Variants in HTRA1 observed in about 807,000 individuals in gnomAD.
The protein encoded by HTRA1 is serine protease HTRA1.
Under a neutral mutation model 49.7 loss-of-function variants are expected in HTRA1, and 26 were observed. The ratio of observed to expected loss-of-function variants is 0.52; its 90% CI spans 0.38 to 0.73. The LOEUF is 0.73. HTRA1 is among the 30% of genes least tolerant of loss of function. The pLI is 0.00. For missense variants in HTRA1, 561 were observed against 667.2 expected, an observed-to-expected ratio of 0.84 and a Z score of 1.75; for synonymous variants, 291 against 286.9, an observed-to-expected ratio of 1.01 and a Z score of -0.14.
At chr10:122,486,444 C>A (rs2097493133) in intron 1 of HTRA1, among the ~76,000 whole-genome samples, 4 of 152,164 alleles carry the variant, frequency 2.6e-5, no homozygotes, top group Admixed American at 2.6e-4. Context: ...TGATTCCAAT[C>A]TTTAAATAAA....
chr10:122,466,669 TG>T (rs1286101517), intron 1 of HTRA1, among the ~76,000 whole-genome samples: 3 of 152,170 alleles, frequency 2.0e-5, no homozygotes, highest in African/African-American at 7.2e-5. Context: ...ATTGTTAAAG[TG>T]GGCAGTTTGC....
intron 1 of HTRA1, among the ~76,000 whole-genome samples, chr10:122,483,303 C>A (rs946638066): frequency 6.6e-6 from 1 of 151,890 alleles, no homozygotes; most frequent in Non-Finnish European, 1.5e-5. Flanking sequence ...CATTTATTGT[C>A]TTGGGATTGA....
At position 122,464,572 on chromosome 10, in the gene HTRA1, G is replaced by A. The variant is rs537680185; in HGVS notation, c.472+2448G>A. 5.3e-5 allele frequency among the ~76,000 whole-genome samples: 8 copies of A among 152,356 alleles called. No homozygotes were observed. In the South Asian group the frequency reaches 6.2e-4, roughly 12 times the overall value. On this transcript the variant is annotated intron_variant, in intron 1 of 8. Transcript: ENST00000368984. The surrounding 1 kb of genome is among the most constrained non-coding windows in gnomAD (Gnocchi z 4.8). ...AATAAATGAATGAATGAAGACAAACGGGAGGTGCTTGCGATACACAGCCAT... is the reference window on the plus strand; with the variant it reads ...AATAAATGAATGAATGAAGACAAACAGGAGGTGCTTGCGATACACAGCCAT...
intron 3 of HTRA1, among the ~76,000 whole-genome samples, chr10:122,505,310 T>G (rs959943725): frequency 1.3e-5 from 2 of 152,148 alleles, no homozygotes; most frequent in Non-Finnish European, 2.9e-5. Flanking sequence ...CTCCTCAGTC[T>G]CGTATAGTCA....
At chr10:122,472,851 G>A (rs1256393999) in intron 1 of HTRA1, among the ~76,000 whole-genome samples, 1 of 152,170 alleles carries the variant, frequency 6.6e-6, no homozygotes, top group Non-Finnish European at 1.5e-5. Flanking sequence ...TCTTAGGAGA[G>A]GTACTAAGGA....
At chr10:122,474,241 GA>G (rs1325432633) in intron 1 of HTRA1, among the ~76,000 whole-genome samples, 1 of 152,208 alleles carries the variant, frequency 6.6e-6, no homozygotes, top group Admixed American at 6.5e-5. Flanking sequence ...TCTTACCACT[GA>G]GGTAACTGAG....
At chr10:122,482,991 C>G (rs2097491691) in intron 1 of HTRA1, among the ~76,000 whole-genome samples, 1 of 150,862 alleles carries the variant, frequency 6.6e-6, no homozygotes, top group Admixed American at 6.6e-5. Flanking sequence ...CAGATAAAAG[C>G]CTATCCTTTA....
rs2097504871 is a variant in HTRA1, at chr10:122,509,995, G to A, written c.1121-101G>A. On this transcript the variant is annotated intron_variant, in intron 6 of 8. Coordinates refer to ENST00000368984, the MANE Select transcript of HTRA1 (RefSeq NM_002775.5). The stretch of plus-strand genomic sequence containing the variant: ...CGCAACCTCAGTGTACCCTTCTGTG[G>A]CCCTTCCTGCAACCTGGGGGATTGG... 6 of 950,258 alleles carry A rather than the reference G, an allele frequency of 6.3e-6. No individual in the cohort carries two copies. In the South Asian group the frequency reaches 7.9e-5, roughly 13 times the overall value. The allele number at this position is 950,258 out of a possible 1,614,324, so 58.9% of individuals were successfully genotyped here.
At position 122,506,160 on chromosome 10, in the gene HTRA1, G is replaced by A. The variant is rs1305121108; in HGVS notation, c.778-531G>A. Among the ~76,000 whole-genome samples the A allele has an allele frequency of 6.6e-6, 1 of 151,232 alleles. No homozygotes were observed. Among genetic ancestry groups the A allele is most frequent in the Non-Finnish European group, 1.5e-5 (1 of 67,816 alleles). ...GTGGCCCTGTACTCAGCATAGGCGT[G>A]CACCTGAGTCAGTACAGTTCCCTGC... On this transcript the variant is annotated intron_variant, in intron 3 of 8. Transcript: ENST00000368984. This position sits in a 1 kb window ranked among gnomAD's most constrained non-coding sequence, Gnocchi z 5.2.
intron 1 of HTRA1, among the ~76,000 whole-genome samples, chr10:122,479,517 T>C (rs2097490070): frequency 2.6e-5 from 4 of 152,218 alleles, no homozygotes; most frequent in Admixed American, 2.0e-4. Flanking sequence ...ATATAGTAGA[T>C]GCTCTACAAT....
rs890687420 is a variant in HTRA1 at position 122,497,040 on chromosome 10, C to A, written c.777+7414C>A. Among the ~76,000 whole-genome samples, 3 of 152,260 alleles carry A rather than the reference C, an allele frequency of 2.0e-5. No individual in the cohort carries two copies. The East Asian group carries it at 5.8e-4, about 29-fold the overall frequency. ...AATCATAGCAGCATTGATGCAGTTCCGTAGCTGGTTTCCTAAAGCCATCCA... is the reference window on the plus strand; with the variant it reads ...AATCATAGCAGCATTGATGCAGTTCAGTAGCTGGTTTCCTAAAGCCATCCA... On this transcript the variant is annotated intron_variant, in intron 3 of 8. Coordinates refer to ENST00000368984, the MANE Select transcript of HTRA1 (RefSeq NM_002775.5).
Position 122,506,973 on chromosome 10 carries a change from G to A in HTRA1, c.972+88G>A. 8.3e-7 allele frequency: 1 copy of A among 1,205,514 alleles called. No individual in the cohort carries two copies. The allele number at this position is 1,205,514 out of a possible 1,614,324, so 74.7% of individuals were successfully genotyped here. A position where few individuals can be genotyped will look rare whatever the true frequency, so the allele number is the denominator to read the frequency against. On this transcript the variant is annotated intron_variant, in intron 4 of 8. Transcript: ENST00000368984. The surrounding 1 kb of genome is among the most constrained non-coding windows in gnomAD (Gnocchi z 5.2). ...AGCATAGGTCTTAGCCCCTGACTTT[G>A]TTGTAGTCTGCGTGAAGGGATGGAA...
chr10:122,489,556 C>G lies in HTRA1; in HGVS notation c.707C>G (p.Ala236Gly). 1 of 1,614,142 alleles carries G rather than the reference C, an allele frequency of 6.2e-7. No homozygotes were observed. Among genetic ancestry groups the G allele is most frequent in the Admixed American group, 1.7e-5 (1 of 60,024 alleles). Residue 236 changes from alanine to glycine, a missense_variant, in exon 3 of 9, where the codon GCC becomes GGC. Physicochemically the swap from Ala to Gly is moderately conservative, Grantham distance 60 (BLOSUM62 0). Around this residue, in one of 3 missense-constraint regions of HTRA1, gnomAD observed 271 missense variants for 410.0 expected, o/e 0.66. Coordinates refer to ENST00000368984, the MANE Select transcript of HTRA1 (RefSeq NM_002775.5). ...HRVKVELKNG[A>G]TYEAKIKDVD... Reference sequence around the variant, plus strand: ...GTCAAAGTTGAGCTGAAGAACGGTGCCACTTACGAAGCCAAAATCAAGGAT... The same window carrying G: ...GTCAAAGTTGAGCTGAAGAACGGTGGCACTTACGAAGCCAAAATCAAGGAT...
At chr10:122,489,987 C>T (rs1292871311) in intron 3 of HTRA1, among the ~76,000 whole-genome samples, 1 of 152,204 alleles carries the variant, frequency 6.6e-6, no homozygotes, top group African/African-American at 2.4e-5. Context: ...TCCACAGATA[C>T]ATCATGCGTT....
rs912547326 is a variant in HTRA1, at chr10:122,492,869, G to A, written c.777+3243G>A. On this transcript the variant is annotated intron_variant, in intron 3 of 8. Coordinates refer to ENST00000368984, the MANE Select transcript of HTRA1 (RefSeq NM_002775.5). The stretch of plus-strand genomic sequence containing the variant: ...CAGAGGCTCCCCTTGGAATCGCAAA[G>A]TGAAGCTGGATGCCACCCACAGAGA... Among the ~76,000 whole-genome samples the A allele has an allele frequency of 2.6e-5, 4 of 152,130 alleles. 1 individual carries two copies. In the South Asian group the frequency reaches 8.3e-4, roughly 32 times the overall value.
chr10:122,496,260 G>T (rs1385627691), intron 3 of HTRA1, among the ~76,000 whole-genome samples: 3 of 11,186 alleles, frequency 2.7e-4, no homozygotes, highest in African/African-American at 8.4e-4. Context: ...TTTTTTTTTT[G>T]CAGAGATGAA....
intron 1 of HTRA1, among the ~76,000 whole-genome samples, chr10:122,485,314 C>T (rs1352148141): frequency 6.6e-6 from 1 of 152,214 alleles, no homozygotes; most frequent in East Asian, 1.9e-4. Flanking sequence ...CTGAGATGCA[C>T]CACGAAGGCT....
intron 3 of HTRA1, among the ~76,000 whole-genome samples, chr10:122,493,059 C>T (rs958217320): frequency 6.6e-6 from 1 of 152,216 alleles, no homozygotes; most frequent in Non-Finnish European, 1.5e-5. Flanking sequence ...GGGCTTGTGA[C>T]CAAATGACTC....
At position 122,488,786 on chromosome 10, in the gene HTRA1, C is replaced by T; in HGVS notation, c.473-116C>T. 3.4e-6 allele frequency: 3 copies of T among 877,662 alleles called. No individual in the cohort carries two copies. In the South Asian group the frequency reaches 3.9e-5, roughly 12 times the overall value. 54.4% of individuals were successfully genotyped at this position (877,662 alleles called of 1,614,324 possible). On this transcript the variant is annotated intron_variant, in intron 1 of 8. Transcript: ENST00000368984. ...CCCAGGTGGGGGAATTGCGCTCACT[C>T]CGCCTTCAGAATTCCAAAGGCTGGG...
Sources: gnomAD v4.1 joint callset for allele counts (sites outside exome capture counted in the v4.1 genomes callset) on GRCh38, gnomAD v4.1.1 for gene constraint, gnomAD v4.1.1 regional missense constraint, Gnocchi (gnomAD v3.1) non-coding constraint, MANE v1.5 for transcripts, NCBI Gene and HGNC (gene_info 2026-07-23, HGNC 2026-07-21) for gene names.